HACE1: variants seen among roughly 807,000 people sequenced by gnomAD.
The protein encoded by HACE1 is E3 ubiquitin-protein ligase HACE1.
A neutral mutation model predicts 118.4 loss-of-function variants in HACE1; 73 were observed. The ratio of observed to expected loss-of-function variants is 0.62; its 90% CI spans 0.51 to 0.75. The LOEUF is 0.75. Among genes scored for constraint, HACE1 ranks in the 30% least tolerant of loss-of-function variants. The pLI is 0.00. For synonymous variants in HACE1, 368 were observed against 374.8 expected, an observed-to-expected ratio of 0.98 and a Z score of 0.21; for missense variants, 749 against 1,102.2, an observed-to-expected ratio of 0.68 and a Z score of 4.54.
At chr6:104,760,006 T>C (rs566697002) in intron 19 of HACE1, among the ~76,000 whole-genome samples, 67 of 152,288 alleles carry the variant, frequency 4.4e-4, no homozygotes, top group African/African-American at 1.5e-3. Flanking sequence ...CAGGAAGCAG[T>C]TGAATCTCTG....
intron 19 of HACE1, among the ~76,000 whole-genome samples, chr6:104,753,630 C>A (rs1236460042): frequency 5.3e-5 from 8 of 152,086 alleles, no homozygotes; most frequent in Non-Finnish European, 1.5e-5. Flanking sequence ...TGGAGAGGAC[C>A]CCTGGCAAAC....
chr6:104,815,876 C>A (rs1214806439), intron 6 of HACE1, among the ~76,000 whole-genome samples: 2 of 87,738 alleles, frequency 2.3e-5, no homozygotes, highest in Non-Finnish European at 4.7e-5. Context: ...AGTTTGAGAC[C>A]AGCTTGGCCA....
chr6:104,832,213 T>C (rs1774066777), intron 6 of HACE1, among the ~76,000 whole-genome samples: 1 of 152,186 alleles, frequency 6.6e-6, no homozygotes, highest in Non-Finnish European at 1.5e-5. Context: ...AAGTTTTATT[T>C]GCTAAAACTG....
chr6:104,854,081 G>A (rs1461559586), intron 1 of HACE1, among the ~76,000 whole-genome samples: 2 of 152,122 alleles, frequency 1.3e-5, no homozygotes, highest in Non-Finnish European at 2.9e-5. Flanking sequence ...TGCAGATGAG[G>A]GTGGACTACT....
chr6:104,859,755 C>T lies in HACE1; in HGVS notation c.-113G>A, dbSNP rs1777135535. 2.9e-6 allele frequency: 3 copies of T among 1,018,314 alleles called. No homozygotes were observed. Among genetic ancestry groups the T allele is most frequent in the Non-Finnish European group, 4.3e-6 (3 of 700,688 alleles). 63.1% of individuals were successfully genotyped at this position (1,018,314 alleles called of 1,614,324 possible). A position where few individuals can be genotyped will look rare whatever the true frequency, so the allele number is the denominator to read the frequency against. On this transcript the variant is annotated 5_prime_UTR_variant, in exon 1 of 24. Transcript: ENST00000262903. ...CCAGCAGGCGGAGACGCGGGCTTGC[C>T]CCGGCTAGAGCACTGAGCTGCGAGG...
intron 7 of HACE1, among the ~76,000 whole-genome samples, chr6:104,804,432 G>T (rs1242509029): frequency 6.6e-6 from 1 of 152,086 alleles, no homozygotes; most frequent in African/African-American, 2.4e-5. Flanking sequence ...AAAGAACAAA[G>T]CTGGCAGCAT....
intron 4 of HACE1, chr6:104,845,967 C>T (rs943529901): frequency 1.3e-5 from 2 of 152,160 alleles, no homozygotes; most frequent in Non-Finnish European, 2.9e-5. Flanking sequence ...TAAAACCTTT[C>T]AGAAGCCTAT....
At chr6:104,812,615 A>C (rs1222978384) in intron 6 of HACE1, among the ~76,000 whole-genome samples, 2 of 152,182 alleles carry the variant, frequency 1.3e-5, no homozygotes, top group Non-Finnish European at 2.9e-5. Context: ...ATAAGTCAGT[A>C]AGTTTTGGAA....
chr6:104,832,482 C>T (rs951269071), intron 6 of HACE1, among the ~76,000 whole-genome samples: 2 of 152,098 alleles, frequency 1.3e-5, no homozygotes, highest in Non-Finnish European at 2.9e-5. Flanking sequence ...CAACCGCTGA[C>T]TGCTGAGCTC....
intron 19 of HACE1, among the ~76,000 whole-genome samples, chr6:104,754,694 T>A (rs1401170878): frequency 6.6e-6 from 1 of 152,212 alleles, no homozygotes; most frequent in African/African-American, 2.4e-5. Context: ...CTAAGCTTTA[T>A]AAGCAAAGGA....
At chr6:104,762,791 C>T (rs1779533214) in intron 19 of HACE1, among the ~76,000 whole-genome samples, 1 of 151,870 alleles carries the variant, frequency 6.6e-6, no homozygotes, top group African/African-American at 2.4e-5. Context: ...GAGATCGAGA[C>T]CATCCTGGCT....
intron 20 of HACE1, 26 bp downstream of exon 20, chr6:104,750,315 A>G: frequency 6.3e-7 from 1 of 1,598,454 alleles, no homozygotes; most frequent in Non-Finnish European, 8.6e-7. Flanking sequence ...TTGTGTTACA[A>G]CATAAGAACT....
At chr6:104,839,758 C>A (rs1562486928) in intron 5 of HACE1, among the ~76,000 whole-genome samples, 1 of 152,184 alleles carries the variant, frequency 6.6e-6, no homozygotes, top group African/African-American at 2.4e-5. Context: ...GTAATCCCAG[C>A]ATTTTGGAAG....
chr6:104,747,467 A>G (rs1314483425), intron 20 of HACE1, among the ~76,000 whole-genome samples: 1 of 152,098 alleles, frequency 6.6e-6, no homozygotes, highest in Admixed American at 6.5e-5. Context: ...CATCTAGTTT[A>G]GACGTTTGTA....
At chr6:104,833,837 T>C (rs1774252742) in intron 5 of HACE1, among the ~76,000 whole-genome samples, 1 of 151,970 alleles carries the variant, frequency 6.6e-6, no homozygotes, top group Non-Finnish European at 1.5e-5. Flanking sequence ...TACAAAAAAT[T>C]AGCTGGACGT....
chr6:104,805,361 C>A (rs551811147), intron 7 of HACE1, among the ~76,000 whole-genome samples: 3 of 152,230 alleles, frequency 2.0e-5, no homozygotes, highest in African/African-American at 7.2e-5. Flanking sequence ...TGGGTATATA[C>A]CCAATGGATT....
intron 1 of HACE1, among the ~76,000 whole-genome samples, chr6:104,855,515 C>A (rs752159309): frequency 2.0e-5 from 3 of 152,084 alleles, no homozygotes; most frequent in Non-Finnish European, 4.4e-5. Flanking sequence ...GTATATACCA[C>A]ATAACCAGAA....
At chr6:104,772,933 C>T (rs1026750472) in intron 17 of HACE1, among the ~76,000 whole-genome samples, 1 of 151,778 alleles carries the variant, frequency 6.6e-6, no homozygotes, top group African/African-American at 2.4e-5. Context: ...TAGATAGTGG[C>T]CGATGGTTGC....
At chr6:104,790,839 C>CA (rs1214429897) in intron 11 of HACE1, among the ~76,000 whole-genome samples, 7 of 151,918 alleles carry the variant, frequency 4.6e-5, no homozygotes, top group Admixed American at 1.3e-4. Flanking sequence ...AAATGTCACC[C>CA]AAAAAAACAT....
Sources: gnomAD v4.1 joint callset for allele counts (sites outside exome capture counted in the v4.1 genomes callset) on GRCh38, gnomAD v4.1.1 for gene constraint, MANE v1.5 for transcripts, NCBI Gene and HGNC (gene_info 2026-07-23, HGNC 2026-07-21) for gene names.